Variants in SYDE1 observed in about 807,000 individuals in gnomAD.
The protein encoded by SYDE1 is rho GTPase-activating protein SYDE1.
In SYDE1, 34 loss-of-function variants were observed where a neutral mutation model predicts 63.3. That is an observed-to-expected ratio of 0.54 (90% CI 0.41 to 0.71). SYDE1 has a LOEUF of 0.71. Ranked by LOEUF, SYDE1 falls within the 30% of genes least tolerant of loss-of-function variation. The pLI, the probability that SYDE1 is intolerant of heterozygous loss-of-function variation, is 0.00. For synonymous variants in SYDE1, 467 were observed against 473.4 expected, an observed-to-expected ratio of 0.99 and a Z score of 0.18; for missense variants, 925 against 1,042.5, an observed-to-expected ratio of 0.89 and a Z score of 1.55.
At position 15,109,597 on chromosome 19, in the gene SYDE1, C is replaced by T. The variant is rs1288429573; in HGVS notation, c.431-107C>T. On this transcript the variant is annotated intron_variant, in intron 2 of 7. Transcript: ENST00000342784. The surrounding 1 kb of genome is among the most constrained non-coding windows in gnomAD (Gnocchi z 5.0). ...AGCATCAGCCTCACACCCTCCTCCC[C>T]GCCAGGGGAACACCAGCCTCACACT... is the stretch of plus-strand genomic sequence containing the variant. 1 of 928,644 alleles carries T rather than the reference C, an allele frequency of 1.1e-6. No individual in the cohort carries two copies. The highest frequency in any genetic ancestry group is 1.6e-6 in the Non-Finnish European group (1 of 636,288). The allele number at this position is 928,644 out of a possible 1,614,324, so 57.5% of individuals were successfully genotyped here.
chr19:15,109,844 C>A lies in SYDE1; in HGVS notation c.571C>A (p.Arg191Ser), dbSNP rs1396610997. 3 of 1,531,592 alleles carry A rather than the reference C, an allele frequency of 2.0e-6. No individual in the cohort carries two copies. In the South Asian group the frequency reaches 3.6e-5, roughly 18 times the overall value. 94.9% of individuals were successfully genotyped at this position (1,531,592 alleles called of 1,614,324 possible). A position where few individuals can be genotyped will look rare whatever the true frequency, so the allele number is the denominator to read the frequency against. Reference sequence around the variant, plus strand: ...GCGAGGCCCCCGGGCTGGCAGGGAGCGCGAGAGGGCTGCCCCTGCGGGCTC... The same window carrying A: ...GCGAGGCCCCCGGGCTGGCAGGGAGAGCGAGAGGGCTGCCCCTGCGGGCTC... ...SLRGPRAGRE[R>S]ERAAPAGSVI... Residue 191 changes from arginine to serine, a missense_variant, in exon 3 of 8, where the codon CGC becomes AGC. Arg to Ser is a moderately radical substitution (Grantham distance 110, BLOSUM62 -1). This residue lies in a region of SYDE1 where 599 missense variants were observed against 653.7 expected (regional missense o/e 0.92). Coordinates refer to ENST00000342784, the MANE Select transcript of SYDE1 (RefSeq NM_033025.6). This position sits in a 1 kb window ranked among gnomAD's most constrained non-coding sequence, Gnocchi z 5.0.
rs773830475 is a variant in SYDE1 at position 15,110,495 on chromosome 19, C to T, written c.1076-26C>T. 2.6e-6 allele frequency: 4 copies of T among 1,544,052 alleles called. No individual in the cohort carries two copies. The highest frequency in any genetic ancestry group is 1.9e-5 in the Admixed American group (1 of 52,330). The stretch of plus-strand genomic sequence containing the variant: ...GGTACATGAAGCTTCAGAGCACACC[C>T]GGCTCAGGCCCCCTTGTGTCCTCAG... On this transcript the variant is annotated intron_variant, in intron 3 of 7. Coordinates refer to ENST00000342784, the MANE Select transcript of SYDE1 (RefSeq NM_033025.6). This position sits in a 1 kb window ranked among gnomAD's most constrained non-coding sequence, Gnocchi z 6.9.
At chr19:15,112,648 G>A (rs2046353022) in intron 7 of SYDE1, 77 bp downstream of exon 7, 1 of 1,321,520 alleles carries the variant, frequency 7.6e-7, no homozygotes, top group Non-Finnish European at 1.0e-6. Context: ...GGACCAATCA[G>A]TGTCTTAGGC....
In SYDE1 at chr19:15,110,104, G is replaced by C. The variant is rs1444424936; in HGVS notation, c.831G>C (p.Gly277=). The C allele has an allele frequency of 1.4e-6, 2 of 1,418,174 alleles. No homozygotes were observed. Among genetic ancestry groups the C allele is most frequent in the Admixed American group, 3.1e-5 (1 of 32,140 alleles). 87.8% of individuals were successfully genotyped at this position (1,418,174 alleles called of 1,614,324 possible). A position where few individuals can be genotyped will look rare whatever the true frequency, so the allele number is the denominator to read the frequency against. ...GCCTGCACCTGTACGGTCTCGGGGGGCTGCGGCCAGCGCCGGGGGCCACCC... is the reference window on the plus strand; with the variant it reads ...GCCTGCACCTGTACGGTCTCGGGGGCCTGCGGCCAGCGCCGGGGGCCACCC... The part of the protein sequence containing the change: ...RLSLHLYGLG[G]LRPAPGATPR... The change falls in exon 3 of 8, where the codon GGG becomes GGC. Residue 277 remains glycine (G), a synonymous_variant. Transcript: ENST00000342784. This position sits in a 1 kb window ranked among gnomAD's most constrained non-coding sequence, Gnocchi z 6.9.
chr19:15,112,245 C>A (rs1255248338), intron 6 of SYDE1, 101 bp from the exon 7 acceptor site: 11 of 718,560 alleles, frequency 1.5e-5, no homozygotes, highest in Non-Finnish European at 2.6e-5. Flanking sequence ...AGCTATGAGA[C>A]TGTGAACCTG....
chr19:15,108,858 G>A lies in SYDE1; in HGVS notation c.89-198G>A, dbSNP rs1012001802. The stretch of plus-strand genomic sequence containing the variant: ...TTTTGGGATGCCAGGGACTGAGTAG[G>A]GGGTGCTCTAAGCTGATAACTGAGA... On this transcript the variant is annotated intron_variant, in intron 1 of 7. Transcript: ENST00000342784. The surrounding 1 kb of genome is among the most constrained non-coding windows in gnomAD (Gnocchi z 4.3). 2 of 775,214 alleles carry A rather than the reference G, an allele frequency of 2.6e-6. No homozygotes were observed. Among genetic ancestry groups the A allele is most frequent in the Admixed American group, 7.3e-5 (2 of 27,566 alleles). The allele number at this position is 775,214 out of a possible 1,614,324, so 48.0% of individuals were successfully genotyped here. A position where few individuals can be genotyped will look rare whatever the true frequency, so the allele number is the denominator to read the frequency against.
Position 15,111,528 on chromosome 19 carries a change from C to G in SYDE1, c.1417+89C>G. 1 of 1,596,562 alleles carries G rather than the reference C, an allele frequency of 6.3e-7. No homozygotes were observed. The highest frequency in any genetic ancestry group is 8.6e-7 in the Non-Finnish European group (1 of 1,168,542). ...GGGCTCCTCTGGGACCTCAGTCCTC[C>G]TATCTGACCTTGCTTTCACCCACCT... On this transcript the variant is annotated intron_variant, in intron 5 of 7. Coordinates refer to ENST00000342784, the MANE Select transcript of SYDE1 (RefSeq NM_033025.6). This position sits in a 1 kb window ranked among gnomAD's most constrained non-coding sequence, Gnocchi z 5.5.
At position 15,111,860 on chromosome 19, in the gene SYDE1, T is replaced by C; in HGVS notation, c.1578+68T>C. The C allele has an allele frequency of 1.4e-6, 2 of 1,455,744 alleles. No homozygotes were observed. Among genetic ancestry groups the C allele is most frequent in the Non-Finnish European group, 1.8e-6 (2 of 1,085,334 alleles). 90.2% of individuals were successfully genotyped at this position (1,455,744 alleles called of 1,614,324 possible). A position where few individuals can be genotyped will look rare whatever the true frequency, so the allele number is the denominator to read the frequency against. On this transcript the variant is annotated intron_variant, in intron 6 of 7. Coordinates refer to ENST00000342784, the MANE Select transcript of SYDE1 (RefSeq NM_033025.6). This position sits in a 1 kb window ranked among gnomAD's most constrained non-coding sequence, Gnocchi z 5.5. ...TGATACCAATAGAATGTTTCACCCA[T>C]GCCTGGGCCTGAGATGGGCATGAGC...
chr19:15,110,748 C>T lies in SYDE1; in HGVS notation c.1290+13C>T. On this transcript the variant is annotated intron_variant, in intron 4 of 7. Coordinates refer to ENST00000342784, the MANE Select transcript of SYDE1 (RefSeq NM_033025.6). The surrounding 1 kb of genome is among the most constrained non-coding windows in gnomAD (Gnocchi z 6.9). ...CCGAGGGCTGCGGGTGAGCACCCACCCCACCCCAACCCTCTGGCCCCCAGA... is the reference window on the plus strand; with the variant it reads ...CCGAGGGCTGCGGGTGAGCACCCACTCCACCCCAACCCTCTGGCCCCCAGA... 6.6e-7 allele frequency: 1 copy of T among 1,523,526 alleles called. No individual in the cohort carries two copies. The allele number at this position is 1,523,526 out of a possible 1,614,324, so 94.4% of individuals were successfully genotyped here.
At chr19:15,107,642 A>T (rs1261959180) in intron 1 of SYDE1, 121 bp downstream of exon 1, 1 of 426,214 alleles carries the variant, frequency 2.3e-6, no homozygotes, top group Non-Finnish European at 4.1e-6. Context: ...ACCCCGCTGC[A>T]GACTGGGGTG....
intron 7 of SYDE1, among the ~76,000 whole-genome samples, chr19:15,113,125 AACTCCTG>A (rs1347969911): frequency 6.6e-6 from 1 of 152,154 alleles, no homozygotes; most frequent in Non-Finnish European, 1.5e-5. Flanking sequence ...GCTGGTCTTG[AACTCCTG>A]ACCTCAAGTG....
rs766964057 is a variant in SYDE1 at position 15,111,525 on chromosome 19, C to G, written c.1417+86C>G. The G allele has an allele frequency of 6.3e-7, 1 of 1,597,802 alleles. No homozygotes were observed. The highest frequency in any genetic ancestry group is 8.6e-7 in the Non-Finnish European group (1 of 1,169,424). On this transcript the variant is annotated intron_variant, in intron 5 of 7. Transcript: ENST00000342784. This position sits in a 1 kb window ranked among gnomAD's most constrained non-coding sequence, Gnocchi z 5.5. Reference sequence around the variant, plus strand: ...TTGGGGCTCCTCTGGGACCTCAGTCCTCCTATCTGACCTTGCTTTCACCCA... The same window carrying G: ...TTGGGGCTCCTCTGGGACCTCAGTCGTCCTATCTGACCTTGCTTTCACCCA...
rs909886522 is a variant in SYDE1, at chr19:15,109,039, C to A, written c.89-17C>A. 2.0e-5 allele frequency: 30 copies of A among 1,468,930 alleles called. No homozygotes were observed. Among genetic ancestry groups the A allele is most frequent in the Non-Finnish European group, 2.5e-5 (28 of 1,116,926 alleles). 91.0% of individuals were successfully genotyped at this position (1,468,930 alleles called of 1,614,324 possible). On this transcript the variant is annotated splice_polypyrimidine_tract_variant and intron_variant, in intron 1 of 7. Transcript: ENST00000342784. The surrounding 1 kb of genome is among the most constrained non-coding windows in gnomAD (Gnocchi z 5.0). ...GTGAGGGGCTGGGTGGGTCTCACTC[C>A]CCTTGCTCTCTGCCAGGCCACCCAG... is the stretch of plus-strand genomic sequence containing the variant.
rs770916671 is a variant in SYDE1, at chr19:15,110,494, C to A, written c.1076-27C>A. ...GGGTACATGAAGCTTCAGAGCACAC[C>A]CGGCTCAGGCCCCCTTGTGTCCTCA... On this transcript the variant is annotated intron_variant, in intron 3 of 7. Coordinates refer to ENST00000342784, the MANE Select transcript of SYDE1 (RefSeq NM_033025.6). The surrounding 1 kb of genome is among the most constrained non-coding windows in gnomAD (Gnocchi z 6.9). 6.7e-5 allele frequency: 103 copies of A among 1,543,028 alleles called. No individual in the cohort carries two copies. Among genetic ancestry groups the A allele is most frequent in the Non-Finnish European group, 8.6e-5 (98 of 1,145,320 alleles).
Position 15,110,241 on chromosome 19 carries a change from T to A in SYDE1, c.968T>A (p.Leu323Gln). The change falls in exon 3 of 8, where the codon CTG becomes CAG. Residue 323 changes from leucine to glutamine, a missense_variant. Transcript: ENST00000342784. This position sits in a 1 kb window ranked among gnomAD's most constrained non-coding sequence, Gnocchi z 6.9. ...LRLDHTFHLE[L>Q]EAARLLRALV... ...CTGGACCACACCTTCCACCTGGAGC[T>A]GGAGGCCGCCAGGCTCCTGCGCGCC... is the stretch of plus-strand genomic sequence containing the variant. The A allele has an allele frequency of 2.8e-6, 4 of 1,412,592 alleles. No homozygotes were observed. The highest frequency in any genetic ancestry group is 3.7e-6 in the Non-Finnish European group (4 of 1,086,184). The allele number at this position is 1,412,592 out of a possible 1,614,324, so 87.5% of individuals were successfully genotyped here.
In SYDE1 at chr19:15,113,971, G is replaced by A. The variant is rs1290951143; in HGVS notation, c.*8G>A. 1 of 1,605,752 alleles carries A rather than the reference G, an allele frequency of 6.2e-7. No homozygotes were observed. Among genetic ancestry groups the A allele is most frequent in the Non-Finnish European group, 8.5e-7 (1 of 1,174,490 alleles). On this transcript the variant is annotated 3_prime_UTR_variant, in exon 8 of 8. Coordinates refer to ENST00000342784, the MANE Select transcript of SYDE1 (RefSeq NM_033025.6). ...ATCAACGTGTGCCTCTGAGCCAGAT[G>A]ACGGGGTGGGACCCCGGTTAGTAAG...
chr19:15,109,241 G>A lies in SYDE1; in HGVS notation c.274G>A (p.Glu92Lys). The change falls in exon 2 of 8, where the codon GAG becomes AAG. Residue 92 changes from glutamate to lysine, a missense_variant. Glu to Lys is a moderately conservative substitution (Grantham distance 56). Around this residue, in one of 3 missense-constraint regions of SYDE1, gnomAD observed 599 missense variants for 653.7 expected, o/e 0.92. Transcript: ENST00000342784. The surrounding 1 kb of genome is among the most constrained non-coding windows in gnomAD (Gnocchi z 5.0). ...RWVLGGAKPA[E>K]DTSLGPGVPG... is the part of the protein sequence containing the mutation. ...GGTGCTGGGTGGGGCCAAGCCAGCT[G>A]AGGACACCTCTTTAGGGCCTGGGGT... The A allele has an allele frequency of 6.3e-7, 1 of 1,595,326 alleles. No individual in the cohort carries two copies. Among genetic ancestry groups the A allele is most frequent in the Non-Finnish European group, 8.5e-7 (1 of 1,171,152 alleles).
chr19:15,113,416 AAGCAACCAGTCCT>A (rs1326094070), intron 7 of SYDE1, 131 bp from the exon 8 acceptor site: 1 of 967,976 alleles, frequency 1.0e-6, no homozygotes, highest in Non-Finnish European at 1.5e-6. Flanking sequence ...CTAGTTGCGT[AAGCAACCAGTCCT>A]AGCTCTGCCA....
In SYDE1 at chr19:15,110,339, G is replaced by A; in HGVS notation, c.1066G>A (p.Val356Ile). 1 of 1,431,258 alleles carries A rather than the reference G, an allele frequency of 7.0e-7. No individual in the cohort carries two copies. The highest frequency in any genetic ancestry group is 9.1e-7 in the Non-Finnish European group (1 of 1,094,182). 88.7% of individuals were successfully genotyped at this position (1,431,258 alleles called of 1,614,324 possible). A position where few individuals can be genotyped will look rare whatever the true frequency, so the allele number is the denominator to read the frequency against. Residue 356 changes from valine to isoleucine, a missense_variant, in exon 3 of 8, where the codon GTC becomes ATC. Val to Ile is a conservative substitution (Grantham distance 29). This residue lies in a region of SYDE1 where 599 missense variants were observed against 653.7 expected (regional missense o/e 0.92). Coordinates refer to ENST00000342784, the MANE Select transcript of SYDE1 (RefSeq NM_033025.6). This position sits in a 1 kb window ranked among gnomAD's most constrained non-coding sequence, Gnocchi z 6.9. ...CAQGTVLLPT[V>I]FRGCQAQQLA... ...CCAGGGCACCGTGCTGCTGCCCACG[G>A]TCTTCCGAGGTAGGACATGCGGCTG...
Sources: gnomAD v4.1 joint callset for allele counts (sites outside exome capture counted in the v4.1 genomes callset) on GRCh38, gnomAD v4.1.1 for gene constraint, gnomAD v4.1.1 regional missense constraint, Gnocchi (gnomAD v3.1) non-coding constraint, MANE v1.5 for transcripts, NCBI Gene and HGNC (gene_info 2026-07-23, HGNC 2026-07-21) for gene names.